TRAPPC6B: variants seen among roughly 807,000 people sequenced by gnomAD.
TRAPPC6B encodes the protein TRAPP complex subunit 6B.
A neutral mutation model predicts 24.7 loss-of-function variants in TRAPPC6B; 27 were observed. The observed-to-expected ratio is 1.09, with a 90% CI of 0.81 to 1.51. The LOEUF (loss-of-function observed/expected upper bound fraction) is 1.51. Ranked by LOEUF, TRAPPC6B falls within the 40% of genes most tolerant of loss-of-function variation. TRAPPC6B has a pLI of 0.00. For synonymous variants in TRAPPC6B, 80 were observed against 66.6 expected (o/e 1.20, Z -0.98); for missense variants, 212 against 190.8 (o/e 1.11, Z -0.66).
chr14:39,162,994 A>G (rs1236208980), intron 1 of TRAPPC6B, among the ~76,000 whole-genome samples: 1 of 150,678 alleles, frequency 6.6e-6, no homozygotes, highest in Non-Finnish European at 1.5e-5. Flanking sequence ...GTCTACTCTC[A>G]TGTCACCATC....
At chr14:39,159,420 T>C (rs1039250257) in intron 2 of TRAPPC6B, 63 bp downstream of exon 2, 1 of 1,124,948 alleles carries the variant, frequency 8.9e-7, no homozygotes, top group African/African-American at 1.6e-5. Context: ...TGCAATCTTT[T>C]GAAATAGATC....
At chr14:39,152,288 C>A (rs1192527305) in intron 4 of TRAPPC6B, among the ~76,000 whole-genome samples, 1 of 152,190 alleles carries the variant, frequency 6.6e-6, no homozygotes, top group Non-Finnish European at 1.5e-5. Flanking sequence ...AGCTTACAAG[C>A]AGAATTTCTT....
At chr14:39,160,240 T>C (rs2053040002) in intron 1 of TRAPPC6B, among the ~76,000 whole-genome samples, 1 of 152,150 alleles carries the variant, frequency 6.6e-6, no homozygotes, top group African/African-American at 2.4e-5. Context: ...AGAGGTTCAA[T>C]GGGTTAAAGC....
intron 3 of TRAPPC6B, among the ~76,000 whole-genome samples, chr14:39,155,825 C>T (rs775312245): frequency 8.5e-5 from 13 of 152,182 alleles, no homozygotes; most frequent in Admixed American, 3.9e-4. Context: ...GGGTGAGCCA[C>T]CGCGCCCAGC....
intron 1 of TRAPPC6B, among the ~76,000 whole-genome samples, chr14:39,167,885 A>AT (rs1329026390): frequency 2.1e-5 from 3 of 144,564 alleles, no homozygotes; most frequent in African/African-American, 7.4e-5. Context: ...AAAAAAAGAT[A>AT]TTTTAAAAAG....
chr14:39,152,627 T>A (rs887759402), intron 4 of TRAPPC6B, among the ~76,000 whole-genome samples: 2 of 152,194 alleles, frequency 1.3e-5, no homozygotes, highest in Non-Finnish European at 2.9e-5. Flanking sequence ...GTCATGAAAT[T>A]TTAAGCTGGA....
intron 1 of TRAPPC6B, among the ~76,000 whole-genome samples, chr14:39,165,190 C>G (rs181292205): frequency 5.6e-4 from 85 of 151,886 alleles, no homozygotes; most frequent in African/African-American, 2.0e-3. Flanking sequence ...GGACTACAGG[C>G]GACCGCCACC....
rs2052871690 is a variant in TRAPPC6B, at chr14:39,147,896, C to T, written c.*2454G>A. ...CTACTCCCGCAGAAAAAGGCATATT[C>T]AATTGTCCCATACTAATTTTTGAAT... On this transcript the variant is annotated 3_prime_UTR_variant, in exon 6 of 6. Coordinates refer to ENST00000330149, the MANE Select transcript of TRAPPC6B (RefSeq NM_001079537.2). The T allele has an allele frequency of 1.3e-5, 2 of 152,174 alleles. No individual in the cohort carries two copies. The highest frequency in any genetic ancestry group is 2.1e-4 in the South Asian group (1 of 4,830). The allele number at this position is 152,174 out of a possible 1,614,324, so 9.4% of individuals were successfully genotyped here.
chr14:39,160,278 T>C (rs1407039446), intron 1 of TRAPPC6B, among the ~76,000 whole-genome samples: 1 of 152,122 alleles, frequency 6.6e-6, no homozygotes, highest in Non-Finnish European at 1.5e-5. Flanking sequence ...CACCAAGTCT[T>C]TTAATAGAAA....
intron 3 of TRAPPC6B, chr14:39,157,614 G>A (rs1330586962): frequency 5.4e-6 from 2 of 369,978 alleles, no homozygotes; most frequent in Non-Finnish European, 1.1e-5. Flanking sequence ...GCATTATCAA[G>A]GGGAAGGCAA....
intron 1 of TRAPPC6B, among the ~76,000 whole-genome samples, chr14:39,166,238 C>A (rs374974358): frequency 1.3e-5 from 2 of 149,482 alleles, no homozygotes; most frequent in African/African-American, 4.9e-5. Flanking sequence ...ACCACACTAA[C>A]CCAGAGACTT....
chr14:39,161,707 C>T (rs1217420400), intron 1 of TRAPPC6B, among the ~76,000 whole-genome samples: 1 of 152,130 alleles, frequency 6.6e-6, no homozygotes, highest in Non-Finnish European at 1.5e-5. Context: ...ATCTTCAAAC[C>T]AACCCACCAG....
At chr14:39,156,353 T>C (rs1334868241) in intron 3 of TRAPPC6B, among the ~76,000 whole-genome samples, 2 of 152,128 alleles carry the variant, frequency 1.3e-5, no homozygotes, top group Admixed American at 1.3e-4. Context: ...AATTATCCTA[T>C]TGAGAGTACC....
intron 3 of TRAPPC6B, chr14:39,157,167 C>A: frequency 3.8e-6 from 1 of 263,140 alleles, no homozygotes. Flanking sequence ...GAGAAAAGGC[C>A]TAAGAATTCT....
At chr14:39,168,085 C>T (rs1456793981) in intron 1 of TRAPPC6B, among the ~76,000 whole-genome samples, 2 of 151,630 alleles carry the variant, frequency 1.3e-5, no homozygotes, top group East Asian at 1.9e-4. Flanking sequence ...GCATGGTGGC[C>T]GGCACCTGTA....
intron 1 of TRAPPC6B, among the ~76,000 whole-genome samples, chr14:39,166,417 C>T (rs968000324): frequency 4.6e-5 from 7 of 152,194 alleles, no homozygotes; most frequent in South Asian, 4.1e-4. Context: ...GTAAGAAAAT[C>T]ATGACTGTAA....
intron 1 of TRAPPC6B, among the ~76,000 whole-genome samples, chr14:39,165,442 T>C (rs1566551221): frequency 6.6e-6 from 1 of 152,156 alleles, no homozygotes; most frequent in Non-Finnish European, 1.5e-5. Context: ...TGTACATACA[T>C]CTATTACTGT....
intron 1 of TRAPPC6B, 90 bp from the exon 2 acceptor site, chr14:39,159,640 A>C: frequency 1.2e-6 from 1 of 861,302 alleles, no homozygotes. Context: ...TAAAAATATT[A>C]ATGTAAACAT....
At chr14:39,158,216 G>C (rs1368391310) in intron 3 of TRAPPC6B, 69 bp downstream of exon 3, 1 of 821,854 alleles carries the variant, frequency 1.2e-6, no homozygotes, top group African/African-American at 1.7e-5. Context: ...TTTTAAATAA[G>C]TCACTAAAAT....
Sources: gnomAD v4.1 joint callset for allele counts (sites outside exome capture counted in the v4.1 genomes callset) on GRCh38, gnomAD v4.1.1 for gene constraint, MANE v1.5 for transcripts, NCBI Gene and HGNC (gene_info 2026-07-23, HGNC 2026-07-21) for gene names.